Variants in KHDRBS2 observed in about 807,000 individuals in gnomAD.
KHDRBS2 encodes KH RNA binding domain containing, signal transduction associated 2, also known as KH domain-containing, RNA-binding, signal transduction-associated protein 2.
In KHDRBS2, 26 loss-of-function variants were observed where a neutral mutation model predicts 44.3. That is an observed-to-expected ratio of 0.59 (90% CI 0.43 to 0.81). The LOEUF (loss-of-function observed/expected upper bound fraction) is 0.81, where lower values mean the gene tolerates loss of function less well. Ranked by LOEUF, KHDRBS2 falls within the 40% of genes least tolerant of loss-of-function variation. The pLI, the probability that KHDRBS2 is intolerant of heterozygous loss-of-function variation, is 0.00. For missense variants in KHDRBS2, 476 were observed against 433.1 expected (o/e 1.10, Z -0.88); for synonymous variants, 194 against 151.1 (o/e 1.28, Z -2.08).
intron 4 of KHDRBS2, among the ~76,000 whole-genome samples, chr6:61,947,075 A>G (rs572886425): frequency 3.9e-5 from 6 of 152,218 alleles, no homozygotes; most frequent in Admixed American, 2.0e-4. Flanking sequence ...AAAGAGATCA[A>G]GAATGAAGAA....
At chr6:61,577,990 AGTCTCTCTTC>A in the KHDRBS2 span, among the ~76,000 whole-genome samples, 1 of 152,172 alleles carries the variant, frequency 6.6e-6, no homozygotes, top group African/African-American at 2.4e-5. Context: ...TACTTTTAAA[AGTCTCTCTTC>A]ATTAATAAAA....
At chr6:61,862,460 A>AT (rs1797134040) in intron 6 of KHDRBS2, among the ~76,000 whole-genome samples, 1 of 152,100 alleles carries the variant, frequency 6.6e-6, no homozygotes, top group Admixed American at 6.6e-5. Context: ...TGGGTTTGTC[A>AT]TATATGGCTC....
At chr6:61,862,896 T>G (rs577845223) in intron 6 of KHDRBS2, among the ~76,000 whole-genome samples, 1 of 152,070 alleles carries the variant, frequency 6.6e-6, no homozygotes, top group African/African-American at 2.4e-5. Flanking sequence ...GTAGGACTGG[T>G]ACCAGCTCTT....
chr6:62,208,846 C>G (rs1235947840), intron 1 of KHDRBS2, among the ~76,000 whole-genome samples: 1 of 152,066 alleles, frequency 6.6e-6, no homozygotes, highest in East Asian at 1.9e-4. Flanking sequence ...CGTTGAGAAC[C>G]GTTTCATAGA....
rs911908494 is a variant in KHDRBS2 at position 61,680,001 on chromosome 6, C to T, written c.*962G>A. 3 of 151,806 alleles carry T rather than the reference C, an allele frequency of 2.0e-5. No homozygotes were observed. The highest frequency in any genetic ancestry group is 4.4e-5 in the Non-Finnish European group (3 of 67,866). The allele number at this position is 151,806 out of a possible 1,614,324, so 9.4% of individuals were successfully genotyped here. On this transcript the variant is annotated 3_prime_UTR_variant, in exon 9 of 9. Transcript: ENST00000281156. ...TTATTATTCTAAATCCATTTTTTTC[C>T]ATTAACATGTTATACATTAGTGTTT... is the stretch of plus-strand genomic sequence containing the variant.
the KHDRBS2 span, among the ~76,000 whole-genome samples, chr6:61,669,237 A>T: frequency 1.3e-5 from 2 of 151,026 alleles, no homozygotes; most frequent in African/African-American, 4.8e-5. Flanking sequence ...CAGTCTTGAC[A>T]GGTAGTATGC....
chr6:61,779,607 AT>A (rs545348463), intron 6 of KHDRBS2, among the ~76,000 whole-genome samples: 179 of 152,278 alleles, frequency 1.2e-3, no homozygotes, highest in Non-Finnish European at 1.9e-3. Context: ...AAAATGCTTT[AT>A]TTTTTGAACC....
At chr6:61,570,156 C>T in the KHDRBS2 span, among the ~76,000 whole-genome samples, 2 of 151,754 alleles carry the variant, frequency 1.3e-5, no homozygotes, top group Non-Finnish European at 2.9e-5. Context: ...AGGTGAAATC[C>T]AACTTAATGA....
At chr6:61,913,493 T>C (rs1361379581) in intron 4 of KHDRBS2, among the ~76,000 whole-genome samples, 1 of 151,274 alleles carries the variant, frequency 6.6e-6, no homozygotes, top group Non-Finnish European at 1.5e-5. Context: ...TGAAGAAATA[T>C]ATTATTATTA....
chr6:61,609,054 A>C, the KHDRBS2 span, among the ~76,000 whole-genome samples: 1 of 152,174 alleles, frequency 6.6e-6, no homozygotes, highest in Non-Finnish European at 1.5e-5. Context: ...CACTCCCATC[A>C]ACAGTGTGAA....
intron 6 of KHDRBS2, among the ~76,000 whole-genome samples, chr6:61,872,307 T>C (rs1364340419): frequency 6.6e-6 from 1 of 152,142 alleles, no homozygotes; most frequent in Non-Finnish European, 1.5e-5. Context: ...TTGTTAAGTA[T>C]AGTGCATGTG....
chr6:61,573,131 C>A, the KHDRBS2 span, among the ~76,000 whole-genome samples: 2 of 152,146 alleles, frequency 1.3e-5, no homozygotes, highest in Non-Finnish European at 2.9e-5. Flanking sequence ...TTTCAGGATA[C>A]AAAATCAATG....
chr6:61,828,000 C>T (rs537696736), intron 6 of KHDRBS2, among the ~76,000 whole-genome samples: 16 of 152,238 alleles, frequency 1.1e-4, no homozygotes, highest in East Asian at 3.9e-4. Context: ...TTAAATCCCC[C>T]CTGTTCTGTG....
intron 6 of KHDRBS2, among the ~76,000 whole-genome samples, chr6:61,846,555 T>C (rs1426525804): frequency 2.0e-5 from 3 of 152,166 alleles, no homozygotes; most frequent in Non-Finnish European, 4.4e-5. Flanking sequence ...AATATTTCCA[T>C]TGAGAAAGAA....
At chr6:61,937,220 T>C (rs1811191176) in intron 4 of KHDRBS2, among the ~76,000 whole-genome samples, 2 of 152,014 alleles carry the variant, frequency 1.3e-5, no homozygotes, top group Admixed American at 6.6e-5. Context: ...TTTATTTCAA[T>C]TGGTTTTTTA....
At chr6:61,789,539 T>A (rs748127717) in intron 6 of KHDRBS2, among the ~76,000 whole-genome samples, 9 of 151,514 alleles carry the variant, frequency 5.9e-5, no homozygotes, top group Admixed American at 2.0e-4. Context: ...AAGACCTATG[T>A]ATAGAGACTA....
chr6:62,089,211 C>T (rs1799019535), intron 2 of KHDRBS2, among the ~76,000 whole-genome samples: 1 of 149,336 alleles, frequency 6.7e-6, no homozygotes, highest in Non-Finnish European at 1.5e-5. Context: ...GCTTCAGTCC[C>T]CTTTCCAGGG....
rs1361318020 is a variant in KHDRBS2, at chr6:61,954,818, GTAT to G, written c.483+23245_483+23247del. Among the ~76,000 whole-genome samples, 2 of 65,250 alleles carry G rather than the reference GTAT, an allele frequency of 3.1e-5. 1 individual carries two copies. The highest frequency in any genetic ancestry group is 3.2e-4 in the Admixed American group (2 of 6,256). The allele number at this position is 65,250 out of a possible 152,430, so 42.8% of individuals were successfully genotyped here. On this transcript the variant is annotated intron_variant, in intron 4 of 8. Coordinates refer to ENST00000281156, the MANE Select transcript of KHDRBS2 (RefSeq NM_152688.4). ...CATATGTATGTATACATACGCATGT[GTAT>G]ATACACATGCATATGTATGTATACA... is the stretch of plus-strand genomic sequence containing the variant.
At chr6:62,162,432 T>G (rs1817844819) in intron 2 of KHDRBS2, among the ~76,000 whole-genome samples, 1 of 152,118 alleles carries the variant, frequency 6.6e-6, no homozygotes. Flanking sequence ...TAGTTTCTGA[T>G]GAGAAATCTG....
Sources: gnomAD v4.1 joint callset for allele counts (sites outside exome capture counted in the v4.1 genomes callset) on GRCh38, gnomAD v4.1.1 for gene constraint, MANE v1.5 for transcripts, NCBI Gene and HGNC (gene_info 2026-07-23, HGNC 2026-07-21) for gene names.